ATAD2: variants seen among roughly 807,000 people sequenced by gnomAD.
The protein encoded by ATAD2 is ATPase family AAA domain containing 2, also known as ATPase family AAA domain-containing protein 2.
In ATAD2, 62 loss-of-function variants were observed where a neutral mutation model predicts 168.9. That is an observed-to-expected ratio of 0.37 (90% CI 0.30 to 0.45). The LOEUF is 0.45. Among genes scored for constraint, ATAD2 ranks in the 20% least tolerant of loss-of-function variants. The pLI is 1.00. For synonymous variants in ATAD2, 613 were observed against 571.6 expected, an observed-to-expected ratio of 1.07 and a Z score of -1.03; for missense variants, 1,419 against 1,667.8, an observed-to-expected ratio of 0.85 and a Z score of 2.60.
chr8:123,378,489 GTCAGGA>G (rs1829389052), intron 2 of ATAD2, among the ~76,000 whole-genome samples: 1 of 151,948 alleles, frequency 6.6e-6, no homozygotes, highest in East Asian at 1.9e-4. Flanking sequence ...ATCACCTGAA[GTCAGGA>G]GTTCGAGACC....
In ATAD2 at chr8:123,370,974, T is replaced by A. The variant is rs777855330; in HGVS notation, c.656A>T (p.Tyr219Phe). ...AATATCTTTCTGTTTTCCTCTTGTG[T>A]ACATATTAAGATTGCTCTAAAAATG... Reference protein sequence around the residue: ...NETEESNLNMYTRGKQKDIQR... With the variant: ...NETEESNLNMFTRGKQKDIQR... Residue 219 changes from tyrosine to phenylalanine, a missense_variant, in exon 6 of 28, where the codon TAC becomes TTC. Around this residue, in one of 5 missense-constraint regions of ATAD2, gnomAD observed 419 missense variants for 423.5 expected, o/e 0.99. Transcript: ENST00000287394. The A allele has an allele frequency of 6.3e-7, 1 of 1,593,762 alleles. No homozygotes were observed. Among genetic ancestry groups the A allele is most frequent in the Non-Finnish European group, 8.6e-7 (1 of 1,168,436 alleles).
chr8:123,359,278 A>G lies in ATAD2; in HGVS notation c.1325T>C (p.Val442Ala). 1 of 1,612,918 alleles carries G rather than the reference A, an allele frequency of 6.2e-7. No homozygotes were observed. Among genetic ancestry groups the G allele is most frequent in the Non-Finnish European group, 8.5e-7 (1 of 1,179,560 alleles). ...TTCTGGATAAAGTAATGGAAACACC[A>G]CCATCTCTTTTAGAGCTGCTATATG... ...SNHIAALKEM[V>A]VFPLLYPEVF... Residue 442 changes from valine to alanine, a missense_variant, in exon 11 of 28, where the codon GTG becomes GCG. Physicochemically the swap from Val to Ala is moderately conservative, Grantham distance 64 (BLOSUM62 0). Around this residue, in one of 5 missense-constraint regions of ATAD2, gnomAD observed 146 missense variants for 188.3 expected, o/e 0.78. Coordinates refer to ENST00000287394, the MANE Select transcript of ATAD2 (RefSeq NM_014109.4).
intron 15 of ATAD2, among the ~76,000 whole-genome samples, chr8:123,347,870 ATTATC>A (rs1563842823): frequency 6.6e-6 from 1 of 152,136 alleles, no homozygotes; most frequent in East Asian, 1.9e-4. Flanking sequence ...AAGAATAGCT[ATTATC>A]TTATTATGAT....
intron 11 of ATAD2, among the ~76,000 whole-genome samples, chr8:123,358,784 T>C (rs927551102): frequency 1.4e-5 from 2 of 144,828 alleles, no homozygotes; most frequent in African/African-American, 5.1e-5. Flanking sequence ...CAGGCTGGAA[T>C]GCGGTGGCCC....
chr8:123,369,929 C>T lies in ATAD2; in HGVS notation c.823G>A (p.Asp275Asn), dbSNP rs768803200. ...DDDDDDDDDDDDDEDDEDEED... is the reference protein window; with the variant it reads ...DDDDDDDDDDNDDEDDEDEED... The stretch of plus-strand genomic sequence containing the variant: ...TCATCTTCATCATCTTCATCATCAT[C>T]ATCATCATCATCATCGTCATCATCA... Residue 275 changes from aspartate to asparagine, a missense_variant, in exon 7 of 28, where the codon GAT (aspartate) becomes AAT (asparagine). By Grantham distance (23) the Asp-to-Asn change is conservative. Around this residue, in one of 5 missense-constraint regions of ATAD2, gnomAD observed 419 missense variants for 423.5 expected, o/e 0.99. Coordinates refer to ENST00000287394, the MANE Select transcript of ATAD2 (RefSeq NM_014109.4). 4.4e-5 allele frequency: 69 copies of T among 1,578,876 alleles called. No homozygotes were observed. The highest frequency in any genetic ancestry group is 5.8e-5 in the Non-Finnish European group (67 of 1,151,910).
chr8:123,348,320 C>T (rs779016467), intron 14 of ATAD2, 47 bp from the exon 15 acceptor site: 2 of 1,270,262 alleles, frequency 1.6e-6, no homozygotes, highest in South Asian at 1.4e-5. Context: ...ATAATAAATG[C>T]TATTCAGATT....
At chr8:123,340,440 T>A (rs1339123122) in intron 19 of ATAD2, among the ~76,000 whole-genome samples, 2 of 152,198 alleles carry the variant, frequency 1.3e-5, no homozygotes, top group Non-Finnish European at 2.9e-5. Context: ...AATTAGTATA[T>A]GATGTGGCAA....
At chr8:123,336,344 C>A in intron 22 of ATAD2, 29 bp downstream of exon 22, 7 of 1,555,810 alleles carry the variant, frequency 4.5e-6, no homozygotes, top group Non-Finnish European at 5.2e-6. Flanking sequence ...CCAACTCAAC[C>A]CCCTGAAAAA....
intron 21 of ATAD2, 128 bp downstream of exon 21, chr8:123,337,497 C>T (rs544762682): frequency 1.1e-5 from 9 of 844,512 alleles, no homozygotes; most frequent in South Asian, 2.5e-5. Context: ...GACACTAACC[C>T]GGTACATGTT....
intron 13 of ATAD2, chr8:123,352,725 A>G: frequency 6.6e-6 from 1 of 151,614 alleles, no homozygotes; most frequent in East Asian, 1.9e-4. Flanking sequence ...TTAAAAAAAA[A>G]AACAACAAAA....
Position 123,380,701 on chromosome 8 carries a change from A to G in ATAD2, c.172-24T>C, listed in dbSNP as rs1425293314. 1.9e-6 allele frequency: 3 copies of G among 1,591,456 alleles called. No individual in the cohort carries two copies. In the Admixed American group the frequency reaches 5.5e-5, roughly 29 times the overall value. ...TCCTTTAAGAAAAATTAAGAAAGCC[A>G]TCTAAGTTTTTCTTTACAAAACTCC... On this transcript the variant is annotated intron_variant, in intron 1 of 27. Coordinates refer to ENST00000287394, the MANE Select transcript of ATAD2 (RefSeq NM_014109.4).
At chr8:123,403,469 A>T (rs1813033240) in intron 1 of ATAD2, among the ~76,000 whole-genome samples, 1 of 150,970 alleles carries the variant, frequency 6.6e-6, no homozygotes, top group South Asian at 2.1e-4. Context: ...TATGTTGCCC[A>T]GGCTGCAGTG....
intron 1 of ATAD2, chr8:123,401,645 G>A: frequency 1.2e-6 from 1 of 869,180 alleles, no homozygotes; most frequent in Non-Finnish European, 2.0e-6. Flanking sequence ...GCACTTTGGT[G>A]TGCCCATCAT....
At chr8:123,392,508 AT>A (rs768548916) in intron 1 of ATAD2, among the ~76,000 whole-genome samples, 38 of 152,240 alleles carry the variant, frequency 2.5e-4, no homozygotes, top group African/African-American at 8.2e-4. Flanking sequence ...TAAAAAAAAA[AT>A]CTTACCTACC....
At chr8:123,367,941 A>C (rs1431199277) in intron 8 of ATAD2, among the ~76,000 whole-genome samples, 1 of 152,202 alleles carries the variant, frequency 6.6e-6, no homozygotes, top group Non-Finnish European at 1.5e-5. Flanking sequence ...AACTTCCAAG[A>C]ACTGTTCAAA....
At chr8:123,395,090 C>G (rs1379675522) in intron 1 of ATAD2, among the ~76,000 whole-genome samples, 2 of 152,132 alleles carry the variant, frequency 1.3e-5, no homozygotes, top group South Asian at 2.1e-4. Flanking sequence ...TCACTTCCAC[C>G]ACACATTTCC....
chr8:123,388,272 TG>T (rs1452268159), intron 1 of ATAD2, among the ~76,000 whole-genome samples: 2 of 152,202 alleles, frequency 1.3e-5, no homozygotes, highest in East Asian at 3.8e-4. Context: ...CATGGCTCAC[TG>T]CAGCCTCAAC....
intron 8 of ATAD2, among the ~76,000 whole-genome samples, chr8:123,366,502 GAACC>G (rs1264111982): frequency 6.6e-6 from 1 of 152,146 alleles, no homozygotes; most frequent in African/African-American, 2.4e-5. Context: ...CAAAAATGTG[GAACC>G]AACCCAAATG....
chr8:123,396,614 A>T, upstream of ATAD2: 2 of 499,458 alleles, frequency 4.0e-6, no homozygotes, highest in Non-Finnish European at 7.0e-6. Context: ...CCGACAGTAT[A>T]GAGGACCTGA....
Sources: gnomAD v4.1 joint callset for allele counts (sites outside exome capture counted in the v4.1 genomes callset) on GRCh38, gnomAD v4.1.1 for gene constraint, gnomAD v4.1.1 regional missense constraint, MANE v1.5 for transcripts, NCBI Gene and HGNC (gene_info 2026-07-23, HGNC 2026-07-21) for gene names.